The following MAP3K14 variants were observed in gnomAD, a reference collection of about 807,000 sequenced individuals.
MAP3K14 encodes NF-kappa-beta-inducing kinase.
In MAP3K14, 16 loss-of-function variants were observed where a neutral mutation model predicts 99.2. The observed-to-expected ratio is 0.16, with a 90% CI of 0.11 to 0.24. The LOEUF (loss-of-function observed/expected upper bound fraction) is 0.24, where lower values mean the gene tolerates loss of function less well. MAP3K14 is among the 10% of genes least tolerant of loss of function. MAP3K14 has a pLI of 1.00. For synonymous variants in MAP3K14, 462 were observed against 492.4 expected (o/e 0.94, Z 0.82); for missense variants, 784 against 1,208.7 (o/e 0.65, Z 5.21).
intron 13 of MAP3K14, 28 bp from the exon 14 acceptor site, chr17:45,266,709 C>T (rs563200129): frequency 4.2e-5 from 66 of 1,589,898 alleles, no homozygotes; most frequent in Admixed American, 2.8e-4. Context: ...GGTACGGGCT[C>T]AGGGCCCTGG....
intron 1 of MAP3K14, among the ~76,000 whole-genome samples, chr17:45,296,469 C>A (rs753345913): frequency 6.6e-6 from 1 of 151,942 alleles, no homozygotes; most frequent in Non-Finnish European, 1.5e-5. Context: ...CATGACTGCA[C>A]CACCGCACTC....
Position 45,286,594 on chromosome 17 carries a change from T to C in MAP3K14, c.989A>G (p.Lys330Arg), listed in dbSNP as rs376247949. ...CACTAGGTATTCCTCCACAGAAAAC[T>C]TCTCATGGGCACCACGAGACAGGCA... ...PSCLSRGAHEKFSVEEYLVHA... is the reference protein window; with the variant it reads ...PSCLSRGAHERFSVEEYLVHA... Residue 330 changes from lysine (K) to arginine (R), a missense_variant, in exon 5 of 16, where the codon AAG becomes AGG. Transcript: ENST00000344686. This position sits in a 1 kb window ranked among gnomAD's most constrained non-coding sequence, Gnocchi z 4.1. The C allele has an allele frequency of 9.9e-6, 16 of 1,611,480 alleles. No individual in the cohort carries two copies. In the African/African-American group the frequency reaches 1.5e-4, roughly 15 times the overall value.
chr17:45,287,077 G>A, intron 4 of MAP3K14, 32 bp from the exon 5 acceptor site: 1 of 1,605,118 alleles, frequency 6.2e-7, no homozygotes. Context: ...TCAGCACAGA[G>A]GGCCAGGGCC....
chr17:45,269,075 G>A (rs1391213138), intron 11 of MAP3K14, among the ~76,000 whole-genome samples: 1 of 152,096 alleles, frequency 6.6e-6, no homozygotes, highest in Non-Finnish European at 1.5e-5. Flanking sequence ...GGAGTGCAGT[G>A]GTGCAATCAT....
At chr17:45,283,414 T>C (rs2044239396) in intron 6 of MAP3K14, among the ~76,000 whole-genome samples, 1 of 152,102 alleles carries the variant, frequency 6.6e-6, no homozygotes, top group South Asian at 2.1e-4. Context: ...AGGGCGGAGT[T>C]TTCGTATTCG....
intron 1 of MAP3K14, among the ~76,000 whole-genome samples, chr17:45,296,054 C>A (rs2044344541): frequency 1.3e-5 from 2 of 152,194 alleles, no homozygotes; most frequent in African/African-American, 4.8e-5. Flanking sequence ...ACTATTTCAT[C>A]TGGAAGTAAA....
chr17:45,301,612 G>C (rs1326460103), intron 1 of MAP3K14, among the ~76,000 whole-genome samples: 2 of 152,072 alleles, frequency 1.3e-5, no homozygotes, highest in African/African-American at 4.8e-5. Context: ...GGAAAAATGG[G>C]ATATTAAATT....
chr17:45,305,191 G>A (rs1027973112), intron 1 of MAP3K14, among the ~76,000 whole-genome samples: 15 of 151,912 alleles, frequency 9.9e-5, no homozygotes, highest in South Asian at 4.1e-4. Flanking sequence ...TCTGCCTGCC[G>A]GGTTTACACC....
rs1377032827 is a variant in MAP3K14 at position 45,267,907 on chromosome 17, A to AG, written c.1973-149dup. On this transcript the variant is annotated intron_variant, in intron 11 of 15. Coordinates refer to ENST00000344686, the MANE Select transcript of MAP3K14 (RefSeq NM_003954.5). This position sits in a 1 kb window ranked among gnomAD's most constrained non-coding sequence, Gnocchi z 5.1. ...GGGCCACCATGGGAGGTGGCTCCAG[A>AG]GGGCAGCATGGTGGTCTCCACAGGA... is the stretch of plus-strand genomic sequence containing the variant. The AG allele has an allele frequency of 1.5e-6, 1 of 665,772 alleles. No homozygotes were observed. The highest frequency in any genetic ancestry group is 2.7e-5 in the East Asian group (1 of 36,972). The allele number at this position is 665,772 out of a possible 1,614,324, so 41.2% of individuals were successfully genotyped here.
chr17:45,304,279 CAGGTGTGAGCCACCATGG>C (rs1169934394), intron 1 of MAP3K14, among the ~76,000 whole-genome samples: 1 of 152,214 alleles, frequency 6.6e-6, no homozygotes, highest in East Asian at 1.9e-4. Context: ...ACTGGGATTA[CAGGTGTGAGCCACCATGG>C]TTGACCTCTA....
chr17:45,292,220 A>G (rs2044315814), intron 1 of MAP3K14, among the ~76,000 whole-genome samples: 1 of 152,204 alleles, frequency 6.6e-6, no homozygotes, highest in Non-Finnish European at 1.5e-5. Context: ...ACCAAACGCC[A>G]GATGCTGAGG....
intron 2 of MAP3K14, among the ~76,000 whole-genome samples, 196 bp downstream of exon 2, chr17:45,290,294 T>G (rs2044300445): frequency 6.6e-6 from 1 of 152,162 alleles, no homozygotes; most frequent in Admixed American, 6.5e-5. Flanking sequence ...CAGTCTCCCC[T>G]TGCCACATCC....
At chr17:45,275,740 A>AT (rs963139653) in intron 6 of MAP3K14, among the ~76,000 whole-genome samples, 1 of 129,704 alleles carries the variant, frequency 7.7e-6, no homozygotes. Flanking sequence ...CATCGGGTGC[A>AT]TTTTTTTTTC....
At chr17:45,295,950 C>A (rs1309348948) in intron 1 of MAP3K14, among the ~76,000 whole-genome samples, 2 of 152,164 alleles carry the variant, frequency 1.3e-5, no homozygotes, top group Non-Finnish European at 2.9e-5. Context: ...ATGCTTGGAG[C>A]CTTGATTCTC....
At chr17:45,287,466 C>A (rs1049942312) in intron 3 of MAP3K14, 102 bp from the exon 4 acceptor site, 1 of 969,374 alleles carries the variant, frequency 1.0e-6, no homozygotes, top group Admixed American at 2.4e-5. Context: ...AAGGTCAAAT[C>A]CCAGGTTGCC....
chr17:45,267,545 G>A lies in MAP3K14; in HGVS notation c.2187C>T (p.Pro729=), dbSNP rs756974116. 1 of 1,613,624 alleles carries A rather than the reference G, an allele frequency of 6.2e-7. No homozygotes were observed. The highest frequency in any genetic ancestry group is 8.5e-7 in the Non-Finnish European group (1 of 1,179,696). ...CAGACTCCTCCTTGCTCAAAGTCAA[G>A]GGAGGAGACTTGTTTGGCTCTGGGG... ...PEPPEPNKSP[P]LTLSKEESGM... Residue 729 remains proline (P), a synonymous_variant, in exon 12 of 16, where the codon CCC becomes CCT. Coordinates refer to ENST00000344686, the MANE Select transcript of MAP3K14 (RefSeq NM_003954.5). The surrounding 1 kb of genome is among the most constrained non-coding windows in gnomAD (Gnocchi z 5.1).
chr17:45,288,346 T>TAGGGGAAGG (rs1398463424), intron 3 of MAP3K14, among the ~76,000 whole-genome samples: 1 of 151,018 alleles, frequency 6.6e-6, no homozygotes, highest in Non-Finnish European at 1.5e-5. Context: ...TGCCTGGTGA[T>TAGGGGAAGG]AGGGGAAGGA....
chr17:45,278,501 A>G (rs1317003643), intron 6 of MAP3K14, among the ~76,000 whole-genome samples: 1 of 152,148 alleles, frequency 6.6e-6, no homozygotes, highest in Non-Finnish European at 1.5e-5. Context: ...AGATCTTACA[A>G]TAGCCTGTAA....
At chr17:45,298,592 G>A (rs866833540) in intron 1 of MAP3K14, among the ~76,000 whole-genome samples, 4 of 152,196 alleles carry the variant, frequency 2.6e-5, no homozygotes, top group Non-Finnish European at 4.4e-5. Context: ...CTAGGCACCC[G>A]ATAAAGAGCC....
Sources: gnomAD v4.1 joint callset for allele counts (sites outside exome capture counted in the v4.1 genomes callset) on GRCh38, gnomAD v4.1.1 for gene constraint, Gnocchi (gnomAD v3.1) non-coding constraint, MANE v1.5 for transcripts, NCBI Gene and HGNC (gene_info 2026-07-23, HGNC 2026-07-21) for gene names.